Variants in YWHAZ observed in about 807,000 individuals in gnomAD.
YWHAZ encodes 14-3-3 protein zeta/delta.
For synonymous variants in YWHAZ, 87 were observed against 103.6 expected (o/e 0.84, Z 0.97); for missense variants, 79 against 284.8 (o/e 0.28, Z 5.20).
chr8:100,937,065 T>C (rs1276334921), intron 2 of YWHAZ, among the ~76,000 whole-genome samples: 1 of 152,238 alleles, frequency 6.6e-6, no homozygotes, highest in Non-Finnish European at 1.5e-5. Flanking sequence ...GGTTACATAA[T>C]AGTTTATCAT....
rs1446402673 is a variant in YWHAZ at position 100,942,309 on chromosome 8, A to T, written c.294+6287T>A. On this transcript the variant is annotated intron_variant, in intron 2 of 5. Transcript: ENST00000395958. ...CCTACACTACACTACTACTTCTATC[A>T]CATTATACCTTACCAGAAAACAAAA... Among the ~76,000 whole-genome samples, 4 of 152,214 alleles carry T rather than the reference A, an allele frequency of 2.6e-5. No homozygotes were observed. In the East Asian group the frequency reaches 5.8e-4, roughly 22 times the overall value.
In YWHAZ at chr8:100,948,256, C is replaced by A; in HGVS notation, c.294+340G>T. ...TAAAATTCCTTTATCCACAGATGTACATTTAAGATAACCAGCTATAGAGCT... is the reference window on the plus strand; with the variant it reads ...TAAAATTCCTTTATCCACAGATGTAAATTTAAGATAACCAGCTATAGAGCT... On this transcript the variant is annotated intron_variant, in intron 2 of 5. Transcript: ENST00000395958. The surrounding 1 kb of genome is among the most constrained non-coding windows in gnomAD (Gnocchi z 4.2). 1 of 918,054 alleles carries A rather than the reference C, an allele frequency of 1.1e-6. No homozygotes were observed. Among genetic ancestry groups the A allele is most frequent in the South Asian group, 1.9e-5 (1 of 52,408 alleles). 56.9% of individuals were successfully genotyped at this position (918,054 alleles called of 1,614,324 possible). A position where few individuals can be genotyped will look rare whatever the true frequency, so the allele number is the denominator to read the frequency against.
intron 2 of YWHAZ, chr8:100,932,208 A>G (rs1212905417): frequency 6.6e-6 from 1 of 152,232 alleles, no homozygotes; most frequent in African/African-American, 2.4e-5. Flanking sequence ...GCAACAAAGA[A>G]GTGCTGCCAT....
intron 2 of YWHAZ, among the ~76,000 whole-genome samples, chr8:100,941,852 C>T (rs957806953): frequency 6.7e-6 from 1 of 150,246 alleles, no homozygotes; most frequent in African/African-American, 2.4e-5. Flanking sequence ...ACTCATTAAA[C>T]GATTAAAATA....
At chr8:100,939,591 G>T (rs994687547) in intron 2 of YWHAZ, among the ~76,000 whole-genome samples, 1 of 151,706 alleles carries the variant, frequency 6.6e-6, no homozygotes, top group African/African-American at 2.4e-5. Context: ...CCCAGGAGAC[G>T]GAGGATGTGG....
At chr8:100,926,272 T>C (rs971529480) in intron 2 of YWHAZ, among the ~76,000 whole-genome samples, 1 of 151,740 alleles carries the variant, frequency 6.6e-6, no homozygotes, top group African/African-American at 2.4e-5. Context: ...CAGATTGCAC[T>C]GTGCTATATA....
chr8:100,942,106 C>G (rs1168518105), intron 2 of YWHAZ, among the ~76,000 whole-genome samples: 1 of 152,162 alleles, frequency 6.6e-6, no homozygotes, highest in African/African-American at 2.4e-5. Context: ...CAAAAGAAAT[C>G]CACAAGAGCT....
chr8:100,920,757 TA>T lies in YWHAZ; in HGVS notation c.679-6del. 1 of 1,111,770 alleles carries T rather than the reference TA, an allele frequency of 9.0e-7. No individual in the cohort carries two copies. Among genetic ancestry groups the T allele is most frequent in the East Asian group, 5.1e-5 (1 of 19,738 alleles). 68.9% of individuals were successfully genotyped at this position (1,111,770 alleles called of 1,614,324 possible). A position where few individuals can be genotyped will look rare whatever the true frequency, so the allele number is the denominator to read the frequency against. On this transcript the variant is annotated splice_region_variant and splice_polypyrimidine_tract_variant and intron_variant, in intron 5 of 5. Coordinates refer to ENST00000395958, the MANE Select transcript of YWHAZ (RefSeq NM_145690.3). ...TTGGGTATCCGATGTCCACAACTGG[TA>T]AAAGAAGGAAAGATTTTTCAGCAAG... is the stretch of plus-strand genomic sequence containing the variant.
At chr8:100,950,682 G>A (rs1441361820) in intron 1 of YWHAZ, 10 of 823,326 alleles carry the variant, frequency 1.2e-5, no homozygotes, top group Non-Finnish European at 1.5e-5. Context: ...GATGGGGAGC[G>A]AAGCCGCCCG....
chr8:100,929,032 G>A (rs931732780), intron 2 of YWHAZ, among the ~76,000 whole-genome samples: 2 of 152,064 alleles, frequency 1.3e-5, no homozygotes, highest in African/African-American at 4.8e-5. Context: ...GGTAACTTAG[G>A]TATTTTGTAG....
Position 100,948,978 on chromosome 8 carries a change from G to C in YWHAZ, c.-11-78C>G. Reference sequence around the variant, plus strand: ...ACTCAAAATTATACCTGTGGTAAATGAGTTTTTTAAACCTGAAACCTAACT... The same window carrying C: ...ACTCAAAATTATACCTGTGGTAAATCAGTTTTTTAAACCTGAAACCTAACT... On this transcript the variant is annotated intron_variant, in intron 1 of 5. Transcript: ENST00000395958. This position sits in a 1 kb window ranked among gnomAD's most constrained non-coding sequence, Gnocchi z 4.2. The C allele has an allele frequency of 6.8e-7, 1 of 1,475,642 alleles. No individual in the cohort carries two copies. 91.4% of individuals were successfully genotyped at this position (1,475,642 alleles called of 1,614,324 possible).
intron 2 of YWHAZ, among the ~76,000 whole-genome samples, chr8:100,931,232 T>G (rs1563675422): frequency 6.6e-6 from 1 of 152,234 alleles, no homozygotes; most frequent in Non-Finnish European, 1.5e-5. Context: ...TCTTTAAAAT[T>G]AAGTCTATTA....
intron 1 of YWHAZ, chr8:100,951,200 C>T: frequency 1.9e-5 from 19 of 985,346 alleles, no homozygotes; most frequent in Non-Finnish European, 2.2e-5. Context: ...CAGTGGACTC[C>T]CCTCCCGCCG....
chr8:100,952,859 C>T (rs10098502), upstream of YWHAZ: 52,644 of 1,000,318 alleles, frequency 0.053, 3,700 homozygotes, highest in African/African-American at 0.32. Flanking sequence ...CCTGCTGGCT[C>T]GGGGGAAGCG....
Position 100,919,378 on chromosome 8 carries a change from C to G in YWHAZ, c.*1315G>C, listed in dbSNP as rs1255241347. ...GATGGGCCAAGAACATTGTGGCTTC[C>G]TAAGTTAGAAAATGCCATATGCCAA... On this transcript the variant is annotated 3_prime_UTR_variant, in exon 6 of 6. Transcript: ENST00000395958. 1 of 152,564 alleles carries G rather than the reference C, an allele frequency of 6.6e-6. No individual in the cohort carries two copies. The highest frequency in any genetic ancestry group is 1.5e-5 in the Non-Finnish European group (1 of 68,022). 9.5% of individuals were successfully genotyped at this position (152,564 alleles called of 1,614,324 possible).
At chr8:100,933,001 G>A (rs949307513) in intron 2 of YWHAZ, among the ~76,000 whole-genome samples, 1 of 152,158 alleles carries the variant, frequency 6.6e-6, no homozygotes, top group Non-Finnish European at 1.5e-5. Flanking sequence ...CAACCCTTGG[G>A]TTTGCACCAG....
At chr8:100,945,538 G>A (rs952031832) in intron 2 of YWHAZ, among the ~76,000 whole-genome samples, 1 of 151,972 alleles carries the variant, frequency 6.6e-6, no homozygotes, top group African/African-American at 2.4e-5. Flanking sequence ...GCCCAGAAAA[G>A]GCTGGAGTAA....
At chr8:100,932,930 A>C (rs1019259428) in intron 2 of YWHAZ, among the ~76,000 whole-genome samples, 6 of 152,242 alleles carry the variant, frequency 3.9e-5, no homozygotes, top group African/African-American at 9.6e-5. Flanking sequence ...GAAATACAAT[A>C]ATCACTAGTA....
intron 2 of YWHAZ, among the ~76,000 whole-genome samples, chr8:100,946,431 A>G (rs947692043): frequency 6.6e-6 from 1 of 152,112 alleles, no homozygotes; most frequent in Admixed American, 6.6e-5. Context: ...ACGCCCAGTA[A>G]TCCCAGCTAC....
Sources: gnomAD v4.1 joint callset for allele counts (sites outside exome capture counted in the v4.1 genomes callset) on GRCh38, gnomAD v4.1.1 for gene constraint, Gnocchi (gnomAD v3.1) non-coding constraint, MANE v1.5 for transcripts, NCBI Gene and HGNC (gene_info 2026-07-23, HGNC 2026-07-21) for gene names.